Variants in ABCC8 observed in about 807,000 individuals in gnomAD.
ABCC8 encodes ATP-binding cassette sub-family C member 8.
ABCC8 carries 137 observed loss-of-function variants against 188.0 expected under a neutral mutation model. That is an observed-to-expected ratio of 0.73 (90% CI 0.63 to 0.84). The LOEUF (loss-of-function observed/expected upper bound fraction) is 0.84. Among genes scored for constraint, ABCC8 ranks in the 40% least tolerant of loss-of-function variants. ABCC8 has a pLI of 0.00. For synonymous variants in ABCC8, 797 were observed against 846.5 expected, an observed-to-expected ratio of 0.94 and a Z score of 1.01; for missense variants, 1,750 against 2,072.7, an observed-to-expected ratio of 0.84 and a Z score of 3.02.
Position 17,404,838 on chromosome 11 carries a change from G to A in ABCC8, c.3400-169C>T, listed in dbSNP as rs187075368. The stretch of plus-strand genomic sequence containing the variant: ...GTGCAGCAGCGTAATCTCGGTTCAC[G>A]GCAGCCTCTGCCCCTTGGGTTCAAA... On this transcript the variant is annotated intron_variant, in intron 27 of 38. Coordinates refer to ENST00000389817, the MANE Select transcript of ABCC8 (RefSeq NM_000352.6). This position sits in a 1 kb window ranked among gnomAD's most constrained non-coding sequence, Gnocchi z 4.7. 5.4e-5 allele frequency: 33 copies of A among 615,972 alleles called. No individual in the cohort carries two copies. In the Admixed American group the frequency reaches 6.3e-4, roughly 12 times the overall value. The allele number at this position is 615,972 out of a possible 1,614,324, so 38.2% of individuals were successfully genotyped here.
intron 24 of ABCC8, 72 bp downstream of exon 24, chr11:17,407,282 C>A: frequency 6.2e-7 from 1 of 1,613,066 alleles, no homozygotes. Context: ...CACCCAGAAC[C>A]CCAAACCTTA....
At chr11:17,393,211 G>T in intron 38 of ABCC8, 83 bp from the exon 39 acceptor site, 2 of 1,569,986 alleles carry the variant, frequency 1.3e-6, no homozygotes, top group Non-Finnish European at 1.7e-6. Flanking sequence ...GCCCTCCTGC[G>T]GCTTGGAGGA....
chr11:17,450,710 A>ATTTTTTTTTTTTTT (rs1956783787), intron 7 of ABCC8, among the ~76,000 whole-genome samples: 1 of 30,678 alleles, frequency 3.3e-5, no homozygotes, highest in Non-Finnish European at 6.0e-5. Flanking sequence ...TTTTTTTGAG[A>ATTTTTTTTTTTTTT]TGAAGTCTCA....
At chr11:17,405,884 A>G (rs954485156) in intron 26 of ABCC8, among the ~76,000 whole-genome samples, 3 of 152,146 alleles carry the variant, frequency 2.0e-5, no homozygotes, top group African/African-American at 7.2e-5. Context: ...GCCAAGAGGA[A>G]CAGGGCCCTG....
At chr11:17,400,356 G>A (rs1479163997) in intron 29 of ABCC8, among the ~76,000 whole-genome samples, 1 of 152,156 alleles carries the variant, frequency 6.6e-6, no homozygotes, top group Non-Finnish European at 1.5e-5. Context: ...GGAGTGTGAG[G>A]CGCTCAGCGT....
chr11:17,406,889 T>C lies in ABCC8; in HGVS notation c.3161A>G (p.Gln1054Arg). 6.2e-7 allele frequency: 1 copy of C among 1,614,144 alleles called. No homozygotes were observed. The highest frequency in any genetic ancestry group is 8.5e-7 in the Non-Finnish European group (1 of 1,180,036). The change falls in exon 25 of 39, where the codon CAG becomes CGG. Residue 1054 changes from glutamine to arginine, a missense_variant and splice_region_variant. Coordinates refer to ENST00000389817, the MANE Select transcript of ABCC8 (RefSeq NM_000352.6). Reference protein sequence around the residue: ...TPAARNCSLSQECTLDQTVYA... With the variant: ...TPAARNCSLSRECTLDQTVYA... ...TCTGCCATGGGCCGCCAGTCACACC[T>C]GGCTGAGGGAGCAGTTCCTGGCTGC...
rs1168450045 is a variant in ABCC8, at chr11:17,415,724, T to C, written c.2256-385A>G. 2.1e-4 allele frequency among the ~76,000 whole-genome samples: 32 copies of C among 152,206 alleles called. No individual in the cohort carries two copies. In the East Asian group the frequency reaches 5.4e-3, roughly 26 times the overall value. ...GGCTGAGGTCTGAGGCTGATACAGC[T>C]GCACAAACAGCTGGGGCAAGGAGTG... On this transcript the variant is annotated intron_variant, in intron 17 of 38. Transcript: ENST00000389817.
chr11:17,418,785 T>G (rs1475608370), intron 16 of ABCC8, among the ~76,000 whole-genome samples: 26 of 152,272 alleles, frequency 1.7e-4, no homozygotes. Flanking sequence ...TCATCCCCAG[T>G]GGAATTTTAA....
intron 6 of ABCC8, among the ~76,000 whole-genome samples, chr11:17,456,599 C>T (rs187704606): frequency 8.6e-5 from 13 of 150,960 alleles, no homozygotes; most frequent in Non-Finnish European, 1.8e-4. Flanking sequence ...TTATCTTTGG[C>T]CACCCAGAGA....
rs1224896025 is a variant in ABCC8, at chr11:17,427,269, C to T, written c.2117-115G>A. On this transcript the variant is annotated intron_variant, in intron 15 of 38. Coordinates refer to ENST00000389817, the MANE Select transcript of ABCC8 (RefSeq NM_000352.6). This position sits in a 1 kb window ranked among gnomAD's most constrained non-coding sequence, Gnocchi z 5.0. ...CCCTGGGGCCCCTGTTTTCTTTCTT[C>T]CTACCTAGAATCCCCAGCAAGTCCT... The T allele has an allele frequency of 7.3e-6, 10 of 1,377,094 alleles. No individual in the cohort carries two copies. The highest frequency in any genetic ancestry group is 9.4e-6 in the Non-Finnish European group (10 of 1,066,242). The allele number at this position is 1,377,094 out of a possible 1,614,324, so 85.3% of individuals were successfully genotyped here.
rs933815442 is a variant in ABCC8, at chr11:17,461,803, G to T, written c.602C>A (p.Pro201Gln). The T allele has an allele frequency of 1.2e-6, 2 of 1,614,102 alleles. No individual in the cohort carries two copies. Among genetic ancestry groups the T allele is most frequent in the Admixed American group, 3.3e-5 (2 of 60,024 alleles). ...GTCCTCGGGAGGCTTCACCTCCCTCGGTGTCTTGAAGAAGATGTATCTCTG... is the reference window on the plus strand; with the variant it reads ...GTCCTCGGGAGGCTTCACCTCCCTCTGTGTCTTGAAGAAGATGTATCTCTG... ...RVRRYIFFKT[P>Q]REVKPPEDLQ... The change falls in exon 5 of 39, where the codon CCG (proline) becomes CAG (glutamine). Residue 201 changes from proline to glutamine, a missense_variant. Transcript: ENST00000389817.
Position 17,461,589 on chromosome 11 carries a change from G to T in ABCC8, c.816C>A (p.Ala272=). ...TGGCTGTGCCCCCACTGACCACCTG[G>T]GCGTCAAAGGCCTCGCAGAGCCGTT... ...NYQRLCEAFD[A]QVRKDIQGTQ... The change falls in exon 5 of 39, where the codon GCC becomes GCA. Residue 272 remains alanine, a synonymous_variant. Transcript: ENST00000389817. 6.2e-7 allele frequency: 1 copy of T among 1,614,236 alleles called. No homozygotes were observed. Among genetic ancestry groups the T allele is most frequent in the South Asian group, 1.1e-5 (1 of 91,076 alleles).
At chr11:17,410,683 G>A (rs1954766948) in intron 21 of ABCC8, 30 bp from the exon 22 acceptor site, 2 of 1,613,692 alleles carry the variant, frequency 1.2e-6, no homozygotes, top group Admixed American at 1.7e-5. Flanking sequence ...AGAGAGTAGA[G>A]GGTAGGGAAA....
chr11:17,396,786 C>T (rs575103424), intron 33 of ABCC8, 130 bp downstream of exon 33: 233 of 1,189,516 alleles, frequency 2.0e-4, no homozygotes, highest in Non-Finnish European at 2.6e-4. Context: ...CAGGAGACTG[C>T]GATGTCTGAA....
At chr11:17,397,979 T>A (rs1044733681) in intron 30 of ABCC8, 182 bp from the exon 31 acceptor site, 29 of 793,574 alleles carry the variant, frequency 3.7e-5, no homozygotes, top group Non-Finnish European at 4.1e-5. Context: ...GGAGCCAACA[T>A]GTCCCACAAG....
intron 12 of ABCC8, 37 bp from the exon 13 acceptor site, chr11:17,428,707 C>G (rs1564925761): frequency 6.2e-7 from 1 of 1,607,594 alleles, no homozygotes; most frequent in Non-Finnish European, 8.5e-7. Context: ...TCACCCCTGC[C>G]AGGGGCAGAG....
In ABCC8 at chr11:17,395,687, G is replaced by A. The variant is rs1471646541; in HGVS notation, c.4230C>T (p.Ala1410=). ...GHIIIDGIDI[A]KLPLHTLRSR... ...AGCGCAGGGTGTGCAGCGGCAGTTT[G>A]GCGATGTCAATGCCATCAATGATGA... Residue 1410 remains alanine, a synonymous_variant, in exon 35 of 39, where the codon GCC becomes GCT. Transcript: ENST00000389817. 9 of 1,559,352 alleles carry A rather than the reference G, an allele frequency of 5.8e-6. No homozygotes were observed. The highest frequency in any genetic ancestry group is 2.4e-5 in the East Asian group (1 of 41,842).
At chr11:17,456,312 C>G (rs1359506373) in intron 6 of ABCC8, among the ~76,000 whole-genome samples, 2 of 152,158 alleles carry the variant, frequency 1.3e-5, no homozygotes, top group Non-Finnish European at 2.9e-5. Flanking sequence ...GAAGTTATTA[C>G]ACATTTTGCA....
chr11:17,443,734 C>T (rs1257245491), intron 8 of ABCC8, among the ~76,000 whole-genome samples: 1 of 152,096 alleles, frequency 6.6e-6, no homozygotes, highest in Non-Finnish European at 1.5e-5. Context: ...GTTACTGCAC[C>T]CATGCCAGAA....
Sources: gnomAD v4.1 joint callset for allele counts (sites outside exome capture counted in the v4.1 genomes callset) on GRCh38, gnomAD v4.1.1 for gene constraint, Gnocchi (gnomAD v3.1) non-coding constraint, MANE v1.5 for transcripts, NCBI Gene and HGNC (gene_info 2026-07-23, HGNC 2026-07-21) for gene names.